Variants in RUVBL1 observed in about 807,000 individuals in gnomAD.
RUVBL1 encodes RuvB like AAA ATPase 1, also known as ruvB-like 1.
A neutral mutation model predicts 52.4 loss-of-function variants in RUVBL1; 4 were observed. That is an observed-to-expected ratio of 0.08 (90% CI 0.04 to 0.17). RUVBL1 has a LOEUF of 0.17. Among genes scored for constraint, RUVBL1 ranks in the 10% least tolerant of loss-of-function variants. RUVBL1 has a pLI of 1.00. For missense variants in RUVBL1, 298 were observed against 572.8 expected (o/e 0.52, Z 4.90); for synonymous variants, 217 against 214.4 (o/e 1.01, Z -0.10).
intron 1 of RUVBL1, among the ~76,000 whole-genome samples, chr3:128,145,647 G>A (rs1175747137): frequency 6.6e-6 from 1 of 152,174 alleles, no homozygotes; most frequent in Non-Finnish European, 1.5e-5. Flanking sequence ...GAGCATGGCA[G>A]GGTGAGCTGG....
At chr3:128,146,471 T>G (rs939813348) in intron 1 of RUVBL1, among the ~76,000 whole-genome samples, 1 of 151,134 alleles carries the variant, frequency 6.6e-6, no homozygotes, top group African/African-American at 2.4e-5. Flanking sequence ...TCTATGTGTG[T>G]GTATGGCCCC....
intron 1 of RUVBL1, among the ~76,000 whole-genome samples, chr3:128,150,814 T>TTATATATTCTA (rs1335859191): frequency 4.3e-4 from 39 of 90,986 alleles, no homozygotes; most frequent in Non-Finnish European, 5.9e-4. Flanking sequence ...ATTCTATATA[T>TTATATATTCTA]TATATATTCT....
chr3:128,115,260 G>T (rs1248500527), intron 2 of RUVBL1, among the ~76,000 whole-genome samples: 1 of 152,042 alleles, frequency 6.6e-6, no homozygotes. Context: ...AATCTCCAAA[G>T]CCATTTTTTT....
At chr3:128,076,060 C>A (rs1413703385), downstream of RUVBL1, 1 of 152,860 alleles carries the variant, frequency 6.5e-6, no homozygotes, top group Non-Finnish European at 1.5e-5. This position sits in a 1 kb window ranked among gnomAD's most constrained non-coding sequence, Gnocchi z 6.8. Context: ...ACCTGGCACA[C>A]GGCTCCTCCC....
In RUVBL1 at chr3:128,082,608, C is replaced by G. The variant is rs762998777; in HGVS notation, c.1120-34G>C. 1.9e-5 allele frequency: 29 copies of G among 1,533,694 alleles called. No individual in the cohort carries two copies. In the Middle Eastern group the frequency reaches 5.1e-4, roughly 27 times the overall value. On this transcript the variant is annotated intron_variant, in intron 9 of 10. Transcript: ENST00000322623. This position sits in a 1 kb window ranked among gnomAD's most constrained non-coding sequence, Gnocchi z 4.7. ...GGATAAAAAACATGATCAACGGTGA[C>G]TGACCTCAAGTGCCCCATTTCTAAA...
chr3:128,145,399 T>G (rs1944088999), intron 1 of RUVBL1, among the ~76,000 whole-genome samples: 1 of 152,222 alleles, frequency 6.6e-6, no homozygotes, highest in Non-Finnish European at 1.5e-5. Flanking sequence ...TTCCCTTTTT[T>G]GCTTAAGTCA....
At chr3:128,151,212 A>G (rs1213332887) in intron 1 of RUVBL1, among the ~76,000 whole-genome samples, 1 of 134,744 alleles carries the variant, frequency 7.4e-6, no homozygotes, top group Non-Finnish European at 1.5e-5. Context: ...TTCTATATAT[A>G]CACTGTATAT....
chr3:128,070,304 A>C (rs926285637), intron 9 of RUVBL1: 1 of 152,150 alleles, frequency 6.6e-6, no homozygotes, highest in African/African-American at 2.4e-5. Context: ...CTGTGCACCT[A>C]TTGGCTCTTC....
chr3:128,067,972 G>GC lies in RUVBL1; in HGVS notation c.940-2753dup. 6.2e-7 allele frequency: 1 copy of GC among 1,612,688 alleles called. No individual in the cohort carries two copies. Among genetic ancestry groups the GC allele is most frequent in the Non-Finnish European group, 8.5e-7 (1 of 1,178,984 alleles). ...TCCAATTCCAACTTCTCCCCTGTGGGCACCCTGCAGGTTGCAAAGCAGCTG... is the reference window on the plus strand; with the variant it reads ...TCCAATTCCAACTTCTCCCCTGTGGGCCACCCTGCAGGTTGCAAAGCAGCTG... On this transcript the variant is annotated intron_variant, in intron 9 of 9. Transcript: ENST00000464873. This position sits in a 1 kb window ranked among gnomAD's most constrained non-coding sequence, Gnocchi z 4.1.
At chr3:128,132,358 C>T (rs574212049) in intron 1 of RUVBL1, among the ~76,000 whole-genome samples, 8 of 152,296 alleles carry the variant, frequency 5.3e-5, no homozygotes, top group Admixed American at 2.6e-4. Flanking sequence ...CTCTGCTAGG[C>T]TTGGAGCCAG....
At chr3:128,108,028 G>A (rs914625765) in intron 3 of RUVBL1, among the ~76,000 whole-genome samples, 10 of 152,138 alleles carry the variant, frequency 6.6e-5, no homozygotes, top group Non-Finnish European at 1.3e-4. Context: ...CAATGAAACC[G>A]GCTGTTAGCC....
exon 1 of RUVBL1, chr3:128,153,305 G>T (rs940269774): frequency 1.2e-5 from 16 of 1,361,794 alleles, no homozygotes; most frequent in African/African-American, 1.5e-5. Context: ...CCCTGCCTAC[G>T]GTGACCTCCA....
Position 128,080,987 on chromosome 3 carries a change from AAACTT to A in RUVBL1, c.*258_*262del, listed in dbSNP as rs1942456093. ...CTGTTCTGAAAAGTTTATTTTTAAA[AAACTT>A]AGAGAGAGAGAGAGAGAGAATCAAA... On this transcript the variant is annotated 3_prime_UTR_variant, in exon 11 of 11. Transcript: ENST00000322623. 2 of 397,788 alleles carry A rather than the reference AAACTT, an allele frequency of 5.0e-6. No individual in the cohort carries two copies. Among genetic ancestry groups the A allele is most frequent in the African/African-American group, 2.1e-5 (1 of 48,722 alleles). 24.6% of individuals were successfully genotyped at this position (397,788 alleles called of 1,614,324 possible).
intron 1 of RUVBL1, among the ~76,000 whole-genome samples, chr3:128,129,498 G>A (rs1210974289): frequency 6.9e-6 from 1 of 143,946 alleles, no homozygotes; most frequent in Non-Finnish European, 1.6e-5. Flanking sequence ...ACACCTACAG[G>A]GACCAGGAAA....
chr3:128,105,023 T>A (rs950463618), intron 3 of RUVBL1, 99 bp from the exon 4 acceptor site: 6 of 1,336,258 alleles, frequency 4.5e-6, no homozygotes, highest in Middle Eastern at 2.5e-4. Context: ...CAAATCAACC[T>A]TAATAATGTA....
At position 128,119,478 on chromosome 3, in the gene RUVBL1, TCA is replaced by T. The variant is rs1943595745; in HGVS notation, c.142-66_142-65del. The T allele has an allele frequency of 2.2e-6, 3 of 1,360,418 alleles. No homozygotes were observed. In the Admixed American group the frequency reaches 5.5e-5, roughly 25 times the overall value. 84.3% of individuals were successfully genotyped at this position (1,360,418 alleles called of 1,614,324 possible). A position where few individuals can be genotyped will look rare whatever the true frequency, so the allele number is the denominator to read the frequency against. ...AAAATGTTTCACAAGGGGAAAAATC[TCA>T]GTCCCTGGCCTACACAAGTCACACA... On this transcript the variant is annotated intron_variant, in intron 1 of 10. Coordinates refer to ENST00000322623, the MANE Select transcript of RUVBL1 (RefSeq NM_003707.3).
intron 8 of RUVBL1, among the ~76,000 whole-genome samples, chr3:128,091,103 C>A (rs1227322015): frequency 1.3e-5 from 2 of 152,242 alleles, no homozygotes. Flanking sequence ...GACTGCTAAG[C>A]ATTTTTCAGG....
intron 1 of RUVBL1, among the ~76,000 whole-genome samples, chr3:128,136,621 G>A (rs1218295332): frequency 5.2e-5 from 3 of 57,294 alleles, no homozygotes; most frequent in Admixed American, 2.1e-4. Flanking sequence ...GTGAGACCCT[G>A]TCAAAAAAAA....
At chr3:128,153,298 T>G in exon 1 of RUVBL1, 1 of 1,361,090 alleles carries the variant, frequency 7.3e-7, no homozygotes, top group Non-Finnish European at 9.4e-7. Flanking sequence ...AGAGAAACCC[T>G]GCCTACGGTG....
Sources: allele counts gnomAD v4.1 joint callset (sites outside exome capture counted in the v4.1 genomes callset), GRCh38; gene constraint gnomAD v4.1.1; non-coding constraint Gnocchi (gnomAD v3.1); transcripts MANE v1.5; gene names NCBI Gene and HGNC (gene_info 2026-07-23, HGNC 2026-07-21).